FAAH: variants seen among roughly 807,000 people sequenced by gnomAD.
FAAH encodes fatty acid amide hydrolase, also known as fatty-acid amide hydrolase 1.
Under a neutral mutation model 69.7 loss-of-function variants are expected in FAAH, and 63 were observed. The observed-to-expected ratio is 0.90, with a 90% CI of 0.74 to 1.12. The LOEUF (loss-of-function observed/expected upper bound fraction) is 1.12. FAAH is among the 50% of genes most tolerant of loss of function. The probability of loss-of-function intolerance (pLI) is 0.00; values close to 1 mark genes in which losing one functional copy is unlikely to be tolerated. For synonymous variants in FAAH, 305 were observed against 324.2 expected, an observed-to-expected ratio of 0.94 and a Z score of 0.64; for missense variants, 680 against 755.0, an observed-to-expected ratio of 0.90 and a Z score of 1.16.
Position 46,405,187 on chromosome 1 carries a change from C to A in FAAH, c.444+39C>A, listed in dbSNP as rs76801913. On this transcript the variant is annotated intron_variant, in intron 3 of 14. Transcript: ENST00000243167. The surrounding 1 kb of genome is among the most constrained non-coding windows in gnomAD (Gnocchi z 4.1). ...CAGCGCCAGGCCTCCATCGTCCCCT[C>A]CATCCCTGCCAGCCTGCTCTGCATC... The A allele has an allele frequency of 1.4e-5, 22 of 1,613,464 alleles. No individual in the cohort carries two copies. Among genetic ancestry groups the A allele is most frequent in the Non-Finnish European group, 1.9e-5 (22 of 1,180,046 alleles).
chr1:46,399,254 C>A (rs1026711727), intron 1 of FAAH, among the ~76,000 whole-genome samples: 9 of 152,116 alleles, frequency 5.9e-5, no homozygotes, highest in African/African-American at 1.4e-4. Context: ...GGTAGAGTAT[C>A]CCTCTCTTGA....
In FAAH at chr1:46,410,670, G is replaced by T; in HGVS notation, c.1276-144G>T. The T allele has an allele frequency of 5.1e-6, 6 of 1,171,988 alleles. No individual in the cohort carries two copies. The highest frequency in any genetic ancestry group is 6.4e-6 in the Non-Finnish European group (5 of 783,004). 72.6% of individuals were successfully genotyped at this position (1,171,988 alleles called of 1,614,324 possible). A position where few individuals can be genotyped will look rare whatever the true frequency, so the allele number is the denominator to read the frequency against. ...CCTCCTCTGTCCCCTGCGATCTTCA[G>T]CCAACCCGCATGCTGAAAGGGGTGC... On this transcript the variant is annotated intron_variant, in intron 10 of 14. Coordinates refer to ENST00000243167, the MANE Select transcript of FAAH (RefSeq NM_001441.3). This position sits in a 1 kb window ranked among gnomAD's most constrained non-coding sequence, Gnocchi z 4.9.
intron 7 of FAAH, 86 bp from the exon 8 acceptor site, chr1:46,408,373 G>C (rs1557760445): frequency 6.3e-7 from 1 of 1,587,812 alleles, no homozygotes; most frequent in Non-Finnish European, 8.6e-7. Flanking sequence ...CTGTGTCTGG[G>C]GCTGAGTAGT....
At chr1:46,409,849 G>A (rs1302670239) in intron 9 of FAAH, among the ~76,000 whole-genome samples, 1 of 152,154 alleles carries the variant, frequency 6.6e-6, no homozygotes, top group African/African-American at 2.4e-5. Context: ...GCTTGGCCCT[G>A]CAGCTTCACT....
chr1:46,412,997 A>T (rs1033592411), intron 13 of FAAH, 78 bp from the exon 14 acceptor site: 8 of 1,563,312 alleles, frequency 5.1e-6, no homozygotes, highest in Non-Finnish European at 6.1e-6. Context: ...GTGCCATTTC[A>T]TATGAGGTTT....
At chr1:46,406,482 G>C in intron 7 of FAAH, 114 bp downstream of exon 7, 2 of 1,490,556 alleles carry the variant, frequency 1.3e-6, no homozygotes, top group Non-Finnish European at 1.8e-6. Flanking sequence ...CCAGGCCTCT[G>C]AGGCCAGGGC....
chr1:46,399,693 T>C (rs1049083227), intron 1 of FAAH, among the ~76,000 whole-genome samples: 2 of 152,196 alleles, frequency 1.3e-5, no homozygotes, highest in African/African-American at 4.8e-5. Context: ...TAAAATACAA[T>C]GAACCTGTAT....
chr1:46,399,030 C>T (rs538993762), intron 1 of FAAH, among the ~76,000 whole-genome samples: 4 of 152,224 alleles, frequency 2.6e-5, no homozygotes, highest in South Asian at 2.1e-4. Context: ...TTTTCTAGAC[C>T]GAAGAGAAGG....
In FAAH at chr1:46,405,465, G is replaced by T. The variant is rs757542565; in HGVS notation, c.538G>T (p.Val180Leu). 6.2e-7 allele frequency: 1 copy of T among 1,612,708 alleles called. No homozygotes were observed. Among genetic ancestry groups the T allele is most frequent in the Non-Finnish European group, 8.5e-7 (1 of 1,179,930 alleles). ...GCATGTGCTGAAGCTGCAGGGTGCC[G>T]TGCCCTTCGTGCACACCAATGTTCC... The part of the protein sequence containing the change: ...VVHVLKLQGA[V>L]PFVHTNVPQS... Residue 180 changes from valine (V) to leucine (L), a missense_variant, in exon 4 of 15, where the codon GTG becomes TTG. Coordinates refer to ENST00000243167, the MANE Select transcript of FAAH (RefSeq NM_001441.3). The surrounding 1 kb of genome is among the most constrained non-coding windows in gnomAD (Gnocchi z 4.1).
intron 7 of FAAH, among the ~76,000 whole-genome samples, chr1:46,407,615 G>C (rs1010239219): frequency 6.6e-6 from 1 of 152,014 alleles, no homozygotes; most frequent in Admixed American, 6.6e-5. Flanking sequence ...CTCTGTCTCT[G>C]TGTGCGTTGG....
chr1:46,399,221 G>A (rs1201403211), intron 1 of FAAH, among the ~76,000 whole-genome samples: 2 of 152,212 alleles, frequency 1.3e-5, no homozygotes, highest in African/African-American at 2.4e-5. Flanking sequence ...AGATGGAGGA[G>A]GGGCAATGCC....
chr1:46,413,061 G>A lies in FAAH; in HGVS notation c.1466-14G>A, dbSNP rs1569827260. ...TTCTCAGGGCCTGCTGCAGCTGCCTGTAATGTGTTCCAGGGGCCGTCAGCT... is the reference window on the plus strand; with the variant it reads ...TTCTCAGGGCCTGCTGCAGCTGCCTATAATGTGTTCCAGGGGCCGTCAGCT... On this transcript the variant is annotated splice_polypyrimidine_tract_variant and intron_variant, in intron 13 of 14. Coordinates refer to ENST00000243167, the MANE Select transcript of FAAH (RefSeq NM_001441.3). 1.9e-6 allele frequency: 3 copies of A among 1,614,026 alleles called. No homozygotes were observed. Among genetic ancestry groups the A allele is most frequent in the African/African-American group, 1.3e-5 (1 of 75,048 alleles).
At position 46,410,493 on chromosome 1, in the gene FAAH, C is replaced by G. The variant is rs1461438794; in HGVS notation, c.1271C>G (p.Pro424Arg). ...LKGLLAFLVK[P>R]LLPRLSAFLS... ...GGACTGCTGGCCTTCCTGGTGAAGC[C>G]TCTGGTGAGGGCACAAGGAGTGGAG... The change falls in exon 10 of 15, where the codon CCT becomes CGT. Residue 424 changes from proline (P) to arginine (R), a missense_variant. Pro to Arg is a moderately radical substitution (Grantham distance 103). Transcript: ENST00000243167. The surrounding 1 kb of genome is among the most constrained non-coding windows in gnomAD (Gnocchi z 4.9). 6.2e-7 allele frequency: 1 copy of G among 1,613,896 alleles called. No homozygotes were observed. Among genetic ancestry groups the G allele is most frequent in the South Asian group, 1.1e-5 (1 of 91,076 alleles).
chr1:46,398,429 G>A (rs1313217003), intron 1 of FAAH, among the ~76,000 whole-genome samples: 1 of 152,202 alleles, frequency 6.6e-6, no homozygotes, highest in Non-Finnish European at 1.5e-5. Context: ...TGAATCACAA[G>A]GGGGCACCTG....
At chr1:46,406,583 CTTTTTT>C (rs34839737) in intron 7 of FAAH, among the ~76,000 whole-genome samples, 1 of 117,802 alleles carries the variant, frequency 8.5e-6, no homozygotes, top group Admixed American at 8.8e-5. Context: ...TTCTTTCTTT[CTTTTTT>C]TTTTTTTTTT....
chr1:46,411,161 G>A lies in FAAH; in HGVS notation c.1316+307G>A, dbSNP rs1178136275. The stretch of plus-strand genomic sequence containing the variant: ...GTGGGGGTTGGCCTGGGCCAAGGGT[G>A]GGGCACCCGGGAGAGATGCCACTGT... On this transcript the variant is annotated intron_variant, in intron 11 of 14. Coordinates refer to ENST00000243167, the MANE Select transcript of FAAH (RefSeq NM_001441.3). The surrounding 1 kb of genome is among the most constrained non-coding windows in gnomAD (Gnocchi z 4.8). Among the ~76,000 whole-genome samples, 6 of 152,232 alleles carry A rather than the reference G, an allele frequency of 3.9e-5. No individual in the cohort carries two copies. The highest frequency in any genetic ancestry group is 8.8e-5 in the Non-Finnish European group (6 of 68,040).
At chr1:46,398,090 T>A (rs1182171338) in intron 1 of FAAH, among the ~76,000 whole-genome samples, 1 of 152,004 alleles carries the variant, frequency 6.6e-6, no homozygotes, top group Non-Finnish European at 1.5e-5. Context: ...CCTGCCACCA[T>A]GCCCGGCTAA....
chr1:46,411,195 T>C lies in FAAH; in HGVS notation c.1316+341T>C, dbSNP rs1664907836. 6.6e-6 allele frequency among the ~76,000 whole-genome samples: 1 copy of C among 152,212 alleles called. No individual in the cohort carries two copies. Among genetic ancestry groups the C allele is most frequent in the Non-Finnish European group, 1.5e-5 (1 of 68,032 alleles). Reference sequence around the variant, plus strand: ...GGGAGAGATGCCACTGTTAGAGATCTGAGCTGACCTGAGCTGCGCCAGGCC... The same window carrying C: ...GGGAGAGATGCCACTGTTAGAGATCCGAGCTGACCTGAGCTGCGCCAGGCC... On this transcript the variant is annotated intron_variant, in intron 11 of 14. Coordinates refer to ENST00000243167, the MANE Select transcript of FAAH (RefSeq NM_001441.3). This position sits in a 1 kb window ranked among gnomAD's most constrained non-coding sequence, Gnocchi z 4.8.
chr1:46,394,368 G>A lies in FAAH; in HGVS notation c.20G>A (p.Trp7Ter). The A allele has an allele frequency of 6.5e-7, 1 of 1,548,908 alleles. No homozygotes were observed. Among genetic ancestry groups the A allele is most frequent in the East Asian group, 2.6e-5 (1 of 38,180 alleles). Residue 7 changes from tryptophan to a stop codon, truncating the protein, a stop_gained, in exon 1 of 15, where the codon TGG (tryptophan) becomes TAG (stop). Coordinates refer to ENST00000243167, the MANE Select transcript of FAAH (RefSeq NM_001441.3). LOFTEE classifies it high-confidence loss of function. ...GGGATCATGGTGCAGTACGAGCTGTGGGCCGCGCTGCCTGGCGCCTCCGGG... is the reference window on the plus strand; with the variant it reads ...GGGATCATGGTGCAGTACGAGCTGTAGGCCGCGCTGCCTGGCGCCTCCGGG... MVQYELWAALPGASGVA... is the reference protein window; with the variant it reads MVQYEL
Sources: allele counts gnomAD v4.1 joint callset (sites outside exome capture counted in the v4.1 genomes callset), GRCh38; gene constraint gnomAD v4.1.1; non-coding constraint Gnocchi (gnomAD v3.1); transcripts MANE v1.5; gene names NCBI Gene and HGNC (gene_info 2026-07-23, HGNC 2026-07-21).